Variants in FLNB observed in about 807,000 individuals in gnomAD.
FLNB encodes the protein filamin-B.
FLNB carries 111 observed loss-of-function variants against 250.6 expected under a neutral mutation model. That is an observed-to-expected ratio of 0.44 (90% CI 0.38 to 0.52). FLNB has a LOEUF of 0.52. Ranked by LOEUF, FLNB falls within the 20% of genes least tolerant of loss-of-function variation. FLNB has a pLI of 0.00. For missense variants in FLNB, 2,869 were observed against 3,447.8 expected, an observed-to-expected ratio of 0.83 and a Z score of 4.20; for synonymous variants, 1,302 against 1,372.1, an observed-to-expected ratio of 0.95 and a Z score of 1.13.
chr3:58,149,695 C>T, intron 36 of FLNB, 155 bp from the exon 37 acceptor site: 2 of 867,658 alleles, frequency 2.3e-6, no homozygotes, highest in Non-Finnish European at 1.8e-6. Context: ...ACCTACTCAT[C>T]CCCCTCTGGG....
chr3:58,012,591 T>G (rs756498076), intron 1 of FLNB, among the ~76,000 whole-genome samples: 2 of 152,190 alleles, frequency 1.3e-5, no homozygotes, highest in Admixed American at 6.5e-5. Flanking sequence ...CCTCTGACCT[T>G]GGACAAAATA....
chr3:58,156,012 C>G lies in FLNB; in HGVS notation c.6825C>G (p.Pro2275=), dbSNP rs780385846. ...KFNDEHIPES[P]YLVPVIAPSD... is the part of the protein sequence containing the mutation. The stretch of plus-strand genomic sequence containing the variant: ...ATGATGAGCACATCCCGGAAAGCCC[C>G]TACCTGGTGCCGGTCATCGCACCCT... Residue 2275 remains proline (P), a synonymous_variant, in exon 41 of 46, where the codon CCC becomes CCG. Coordinates refer to ENST00000295956, the MANE Select transcript of FLNB (RefSeq NM_001457.4). 47 of 1,614,180 alleles carry G rather than the reference C, an allele frequency of 2.9e-5. No individual in the cohort carries two copies. The South Asian group carries it at 4.7e-4, about 16-fold the overall frequency.
At chr3:58,145,177 G>A (rs1252773344) in intron 32 of FLNB, among the ~76,000 whole-genome samples, 4 of 152,216 alleles carry the variant, frequency 2.6e-5, no homozygotes, top group Non-Finnish European at 5.9e-5. Context: ...TCCACTGCTG[G>A]TGTGAGTTGT....
In FLNB at chr3:58,142,553, A is replaced by C. The variant is rs914578687; in HGVS notation, c.5182-97A>C. The C allele has an allele frequency of 9.4e-7, 1 of 1,061,492 alleles. No individual in the cohort carries two copies. 65.8% of individuals were successfully genotyped at this position (1,061,492 alleles called of 1,614,324 possible). ...AGCCGCATTCCCAAATCCCGGCCTC[A>C]CTGGCTTGTAGAATTCCCAGCAGCT... On this transcript the variant is annotated intron_variant, in intron 30 of 45. Coordinates refer to ENST00000295956, the MANE Select transcript of FLNB (RefSeq NM_001457.4). The surrounding 1 kb of genome is among the most constrained non-coding windows in gnomAD (Gnocchi z 4.3).
chr3:58,066,188 C>T (rs1429086698), intron 1 of FLNB, among the ~76,000 whole-genome samples: 2 of 150,752 alleles, frequency 1.3e-5, no homozygotes, highest in African/African-American at 4.9e-5. Flanking sequence ...TTTTTTTCTT[C>T]TTCTTTAAGT....
At chr3:58,125,087 C>T (rs922299355) in intron 22 of FLNB, among the ~76,000 whole-genome samples, 8 of 152,002 alleles carry the variant, frequency 5.3e-5, no homozygotes, top group African/African-American at 1.2e-4. Context: ...TGCAGATAGA[C>T]GGTTTGTATT....
chr3:58,104,215 T>C (rs1476078925), intron 10 of FLNB, 130 bp downstream of exon 10: 7 of 752,288 alleles, frequency 9.3e-6, no homozygotes, highest in East Asian at 2.8e-5. Context: ...TTTTTTTTTT[T>C]CGGAGCAGCA....
At chr3:58,143,826 T>C (rs973167118) in intron 32 of FLNB, among the ~76,000 whole-genome samples, 1 of 152,198 alleles carries the variant, frequency 6.6e-6, no homozygotes, top group African/African-American at 2.4e-5. Flanking sequence ...TGGGTCACAG[T>C]GCAGGCCTTT....
intron 16 of FLNB, among the ~76,000 whole-genome samples, chr3:58,111,275 G>A (rs1341109634): frequency 6.6e-6 from 1 of 152,116 alleles, no homozygotes; most frequent in Non-Finnish European, 1.5e-5. Flanking sequence ...ACATAAAAAT[G>A]GAAATCTTAG....
chr3:58,148,491 G>C, intron 35 of FLNB, 127 bp downstream of exon 35: 1 of 1,281,252 alleles, frequency 7.8e-7, no homozygotes, highest in East Asian at 2.5e-5. Context: ...TGGGTCACAC[G>C]CACGATAAAT....
chr3:58,025,094 T>C (rs559084269), intron 1 of FLNB, among the ~76,000 whole-genome samples: 7 of 147,390 alleles, frequency 4.7e-5, no homozygotes, highest in Non-Finnish European at 8.9e-5. Context: ...TTCCCTTCCA[T>C]TTCTTTTTTT....
chr3:58,136,400 G>A (rs2097316041), intron 28 of FLNB, among the ~76,000 whole-genome samples: 1 of 152,226 alleles, frequency 6.6e-6, no homozygotes, highest in Non-Finnish European at 1.5e-5. Context: ...AAGATTAGAT[G>A]AGGTCAGGCA....
chr3:58,024,701 CTTTTTTTT>C (rs1174805764), intron 1 of FLNB, among the ~76,000 whole-genome samples: 6 of 83,766 alleles, frequency 7.2e-5, no homozygotes, highest in African/African-American at 2.7e-4. Context: ...GCCAAGCCTC[CTTTTTTTT>C]TTTTTTTTTT....
intron 34 of FLNB, among the ~76,000 whole-genome samples, chr3:58,147,394 G>A (rs1047712901): frequency 1.3e-5 from 2 of 152,226 alleles, no homozygotes; most frequent in African/African-American, 4.8e-5. Flanking sequence ...GGCTTGGCAA[G>A]GTAGTGGTGT....
rs374751696 is a variant in FLNB, at chr3:58,142,771, G to C, written c.5284+19G>C. ...ATCACTGGTAAGCACTTGCCATAAA[G>C]GCCGTCTCATTCTCACTTGCTCTCA... On this transcript the variant is annotated intron_variant, in intron 31 of 45. Coordinates refer to ENST00000295956, the MANE Select transcript of FLNB (RefSeq NM_001457.4). This position sits in a 1 kb window ranked among gnomAD's most constrained non-coding sequence, Gnocchi z 4.3. The C allele has an allele frequency of 1.2e-6, 2 of 1,601,878 alleles. No homozygotes were observed. Among genetic ancestry groups the C allele is most frequent in the African/African-American group, 1.3e-5 (1 of 74,678 alleles).
At chr3:58,134,475 T>C in intron 26 of FLNB, 141 bp from the exon 27 acceptor site, 4 of 969,376 alleles carry the variant, frequency 4.1e-6, no homozygotes, top group Non-Finnish European at 6.7e-6. Context: ...CTGCTAGACT[T>C]AGGCACCTTG....
intron 18 of FLNB, among the ~76,000 whole-genome samples, chr3:58,117,821 C>T (rs2097281449): frequency 6.7e-6 from 1 of 150,286 alleles, no homozygotes; most frequent in South Asian, 2.1e-4. Flanking sequence ...CCTTTACCCC[C>T]TTCCTTATTA....
At chr3:58,138,219 T>G in intron 28 of FLNB, 63 bp from the exon 29 acceptor site, 3 of 1,609,288 alleles carry the variant, frequency 1.9e-6, no homozygotes, top group Non-Finnish European at 2.5e-6. Context: ...GGGTATGATT[T>G]GTTCTTGGGC....
In FLNB at chr3:58,156,003, G is replaced by A. The variant is rs756649953; in HGVS notation, c.6816G>A (p.Pro2272=). The A allele has an allele frequency of 1.2e-5, 20 of 1,613,966 alleles. No homozygotes were observed. The highest frequency in any genetic ancestry group is 7.7e-5 in the South Asian group (7 of 91,078). ...TCAAGTTCAATGATGAGCACATCCC[G>A]GAAAGCCCCTACCTGGTGCCGGTCA... The part of the protein sequence containing the change: ...VSIKFNDEHI[P]ESPYLVPVIA... Residue 2272 remains proline (P), a synonymous_variant, in exon 41 of 46, where the codon CCG becomes CCA. Transcript: ENST00000295956.
Sources: gnomAD v4.1 joint callset for allele counts (sites outside exome capture counted in the v4.1 genomes callset) on GRCh38, gnomAD v4.1.1 for gene constraint, Gnocchi (gnomAD v3.1) non-coding constraint, MANE v1.5 for transcripts, NCBI Gene and HGNC (gene_info 2026-07-23, HGNC 2026-07-21) for gene names.